Variants in MRPS18B observed in about 807,000 individuals in gnomAD.
MRPS18B encodes the protein small ribosomal subunit protein mS40.
Under a neutral mutation model 28.4 loss-of-function variants are expected in MRPS18B, and 27 were observed. The observed-to-expected ratio is 0.95, with a 90% CI of 0.70 to 1.31. The LOEUF (loss-of-function observed/expected upper bound fraction) is 1.31, where lower values mean the gene tolerates loss of function less well. Among genes scored for constraint, MRPS18B ranks in the 40% most tolerant of loss-of-function variants. The probability of loss-of-function intolerance (pLI) is 0.00; values close to 1 mark genes in which losing one functional copy is unlikely to be tolerated. For synonymous variants in MRPS18B, 118 were observed against 123.7 expected (o/e 0.95, Z 0.30); for missense variants, 343 against 335.9 (o/e 1.02, Z -0.17).
rs1317513645 is a variant in MRPS18B, at chr6:30,625,788, TGCTCTGTAGGA to T, written c.772_*5del. On this transcript the variant is annotated stop_lost and 3_prime_UTR_variant, in exon 7 of 7. Transcript: ENST00000259873. The stretch of plus-strand genomic sequence containing the variant: ...CCACTGGGCAGACAGGCCCTCAGAG[TGCTCTGTAGGA>T]GCTGTAGACTGGGAAGAGAGGCCAG... 1.9e-6 allele frequency: 3 copies of T among 1,609,532 alleles called. No homozygotes were observed. The highest frequency in any genetic ancestry group is 2.5e-6 in the Non-Finnish European group (3 of 1,177,290).
chr6:30,618,027 G>C, intron 1 of MRPS18B, 84 bp downstream of exon 1: 1 of 1,430,682 alleles, frequency 7.0e-7, no homozygotes, highest in Non-Finnish European at 9.8e-7. Flanking sequence ...GAATCCACGA[G>C]TGGAGACCTT....
At chr6:30,624,549 C>T (rs1271043219) in intron 5 of MRPS18B, among the ~76,000 whole-genome samples, 2 of 152,174 alleles carry the variant, frequency 1.3e-5, no homozygotes, top group African/African-American at 4.8e-5. Flanking sequence ...AATCTCTTTT[C>T]CCTTTATTGA....
Position 30,617,932 on chromosome 6 carries a change from C to G in MRPS18B, c.67C>G (p.His23Asp), listed in dbSNP as rs766832489. Residue 23 changes from histidine to aspartate, a missense_variant, in exon 1 of 7, where the codon CAC (histidine) becomes GAC (aspartate). Physicochemically the swap from His to Asp is moderately conservative, Grantham distance 81 (BLOSUM62 -1). Coordinates refer to ENST00000259873, the MANE Select transcript of MRPS18B (RefSeq NM_014046.4). ...TATGCTATCTCTCTTCCGAGGTTCTCACAGAGTTCAGGTAACTCTTCGAAA... is the reference window on the plus strand; with the variant it reads ...TATGCTATCTCTCTTCCGAGGTTCTGACAGAGTTCAGGTAACTCTTCGAAA... ...LPMLSLFRGS[H>D]RVQVPLQTLC... 3.7e-6 allele frequency: 6 copies of G among 1,614,092 alleles called. No individual in the cohort carries two copies. Among genetic ancestry groups the G allele is most frequent in the South Asian group, 2.2e-5 (2 of 91,086 alleles).
intron 5 of MRPS18B, 102 bp downstream of exon 5, chr6:30,623,000 C>A: frequency 2.6e-6 from 3 of 1,173,958 alleles, no homozygotes; most frequent in East Asian, 2.4e-5. Flanking sequence ...CTGCTTATAG[C>A]CTAAAAGGTC....
rs1760828640 is a variant in MRPS18B at position 30,617,985 on chromosome 6, A to G, written c.78+42A>G. ...CATTTTGCACAACCTCAAGTTGGTT[A>G]TACCTTCTCGAGGTTGTCGCTCCAC... On this transcript the variant is annotated intron_variant, in intron 1 of 6. Coordinates refer to ENST00000259873, the MANE Select transcript of MRPS18B (RefSeq NM_014046.4). The G allele has an allele frequency of 1.9e-6, 3 of 1,605,430 alleles. No homozygotes were observed. The African/African-American group carries it at 4.0e-5, about 21-fold the overall frequency.
chr6:30,618,086 CCA>C (rs1760846019), intron 1 of MRPS18B, 143 bp downstream of exon 1: 3 of 793,772 alleles, frequency 3.8e-6, no homozygotes, highest in Admixed American at 4.5e-5. Context: ...AACCCCCCCC[CCA>C]CACCCCGCGC....
At chr6:30,622,407 A>C (rs1236870428) in intron 4 of MRPS18B, among the ~76,000 whole-genome samples, 1 of 151,834 alleles carries the variant, frequency 6.6e-6, no homozygotes, top group Non-Finnish European at 1.5e-5. Context: ...CTAAAGATAC[A>C]AAATAATTAG....
chr6:30,626,184 G>T lies in MRPS18B; in HGVS notation c.*387G>T. 4.7e-6 allele frequency: 1 copy of T among 211,190 alleles called. No individual in the cohort carries two copies. Among genetic ancestry groups the T allele is most frequent in the Non-Finnish European group, 9.4e-6 (1 of 106,100 alleles). 13.1% of individuals were successfully genotyped at this position (211,190 alleles called of 1,614,324 possible). ...TTATGTGATGGGATATCACCCTGAAGAGTTGTGTCTTTTGTGGCCAGTGAC... is the reference window on the plus strand; with the variant it reads ...TTATGTGATGGGATATCACCCTGAATAGTTGTGTCTTTTGTGGCCAGTGAC... On this transcript the variant is annotated 3_prime_UTR_variant, in exon 7 of 7. Coordinates refer to ENST00000259873, the MANE Select transcript of MRPS18B (RefSeq NM_014046.4).
chr6:30,623,016 G>A, intron 5 of MRPS18B, 118 bp downstream of exon 5: 1 of 992,712 alleles, frequency 1.0e-6, no homozygotes, highest in Non-Finnish European at 1.5e-6. Flanking sequence ...AGGTCTGGCT[G>A]AACCTTTTGG....
At chr6:30,620,936 C>G (rs1462809014) in intron 4 of MRPS18B, among the ~76,000 whole-genome samples, 1 of 152,186 alleles carries the variant, frequency 6.6e-6, no homozygotes, top group East Asian at 1.9e-4. Flanking sequence ...ACAGTTATTA[C>G]CAAATATATT....
intron 3 of MRPS18B, 34 bp downstream of exon 3, chr6:30,619,840 G>T (rs758886419): frequency 6.2e-7 from 1 of 1,609,052 alleles, no homozygotes; most frequent in Non-Finnish European, 8.5e-7. Flanking sequence ...GGAGTGCGGG[G>T]AGGCCACAAG....
At chr6:30,625,067 G>T (rs1582715603) in intron 6 of MRPS18B, 125 bp downstream of exon 6, 2 of 978,622 alleles carry the variant, frequency 2.0e-6, no homozygotes, top group East Asian at 5.2e-5. Flanking sequence ...TCTTCCTGAC[G>T]TTACATTGTC....
intron 5 of MRPS18B, 46 bp from the exon 6 acceptor site, chr6:30,624,837 T>C: frequency 1.9e-6 from 3 of 1,600,060 alleles, no homozygotes; most frequent in Admixed American, 1.7e-5. Context: ...AGTTGTGTTC[T>C]ATTATTTACT....
chr6:30,622,714 G>A (rs879083327), intron 4 of MRPS18B, 118 bp from the exon 5 acceptor site: 15 of 884,456 alleles, frequency 1.7e-5, no homozygotes, highest in South Asian at 7.0e-5. Context: ...CTGGAGAGCT[G>A]TAGAGGGGTG....
intron 5 of MRPS18B, among the ~76,000 whole-genome samples, chr6:30,623,283 GC>G (rs1319723231): frequency 6.6e-6 from 1 of 151,332 alleles, no homozygotes; most frequent in East Asian, 1.9e-4. Context: ...GTTGTGGTGA[GC>G]CAACATTGCG....
intron 4 of MRPS18B, among the ~76,000 whole-genome samples, chr6:30,622,295 G>A (rs1484819450): frequency 6.6e-6 from 1 of 152,018 alleles, no homozygotes; most frequent in Non-Finnish European, 1.5e-5. Flanking sequence ...AGGCGCGGTG[G>A]CTCATGCCTG....
intron 5 of MRPS18B, among the ~76,000 whole-genome samples, chr6:30,623,484 T>A (rs1761297266): frequency 6.6e-6 from 1 of 152,222 alleles, no homozygotes; most frequent in Non-Finnish European, 1.5e-5. Flanking sequence ...ACATAAGTTA[T>A]TTTATATCAT....
intron 4 of MRPS18B, among the ~76,000 whole-genome samples, chr6:30,622,286 GGC>G (rs1464828033): frequency 1.3e-5 from 2 of 152,036 alleles, no homozygotes; most frequent in Non-Finnish European, 2.9e-5. Flanking sequence ...CTGCAGCCCA[GGC>G]GCGGTGGCTC....
rs1450024746 is a variant in MRPS18B, at chr6:30,625,938, C to T, written c.*141C>T. On this transcript the variant is annotated 3_prime_UTR_variant, in exon 7 of 7. Coordinates refer to ENST00000259873, the MANE Select transcript of MRPS18B (RefSeq NM_014046.4). Reference sequence around the variant, plus strand: ...CACCATGGTGAAACCTCGTCTTTACCAAAAAATACAAAAATTAGCTGGGTG... The same window carrying T: ...CACCATGGTGAAACCTCGTCTTTACTAAAAAATACAAAAATTAGCTGGGTG... The T allele has an allele frequency of 1.2e-6, 1 of 849,960 alleles. No homozygotes were observed. The highest frequency in any genetic ancestry group is 1.8e-6 in the Non-Finnish European group (1 of 559,474). 52.7% of individuals were successfully genotyped at this position (849,960 alleles called of 1,614,324 possible).
Sources: gnomAD v4.1 joint callset for allele counts (sites outside exome capture counted in the v4.1 genomes callset) on GRCh38, gnomAD v4.1.1 for gene constraint, MANE v1.5 for transcripts, NCBI Gene and HGNC (gene_info 2026-07-23, HGNC 2026-07-21) for gene names.